The following KANK1 variants were observed in gnomAD, a reference collection of about 807,000 sequenced individuals.
KANK1 encodes KN motif and ankyrin repeat domains 1.
KANK1 carries 109 observed loss-of-function variants against 106.2 expected under a neutral mutation model. The observed-to-expected ratio is 1.03, with a 90% CI of 0.88 to 1.20. KANK1 has a LOEUF of 1.20. Ranked by LOEUF, KANK1 falls within the 50% of genes most tolerant of loss-of-function variation. The probability of loss-of-function intolerance (pLI) is 0.00; values close to 1 mark genes in which losing one functional copy is unlikely to be tolerated. For synonymous variants in KANK1, 873 were observed against 652.2 expected, an observed-to-expected ratio of 1.34 and a Z score of -5.16; for missense variants, 2,399 against 1,710.7, an observed-to-expected ratio of 1.40 and a Z score of -7.10.
chr9:657,832 C>G (rs988876962), intron 1 of KANK1, among the ~76,000 whole-genome samples: 3 of 151,844 alleles, frequency 2.0e-5, no homozygotes, highest in Admixed American at 6.6e-5. Context: ...TAATAAAACA[C>G]AAGAAAATAT....
At chr9:517,575 A>G (rs1042591750) in intron 1 of KANK1, among the ~76,000 whole-genome samples, 9 of 151,522 alleles carry the variant, frequency 5.9e-5, no homozygotes, top group Admixed American at 3.9e-4. Context: ...GTGAAATCCT[A>G]TGTGCCTATA....
intron 3 of KANK1, among the ~76,000 whole-genome samples, chr9:476,260 C>T (rs1324582500): frequency 6.6e-6 from 1 of 152,122 alleles, no homozygotes; most frequent in Non-Finnish European, 1.5e-5. Flanking sequence ...GTGGCTCACG[C>T]CTGTAATCCC....
chr9:534,149 G>A (rs1431971504), intron 1 of KANK1, among the ~76,000 whole-genome samples: 1 of 152,170 alleles, frequency 6.6e-6, no homozygotes, highest in African/African-American at 2.4e-5. Flanking sequence ...CTTGGAAAGG[G>A]CATAGAGTAA....
intron 1 of KANK1, among the ~76,000 whole-genome samples, chr9:669,640 CTGCT>C (rs1321722825): frequency 6.6e-6 from 1 of 151,982 alleles, no homozygotes; most frequent in East Asian, 1.9e-4. Context: ...TTTTTTCTTG[CTGCT>C]TTTAGTATCC....
intron 2 of KANK1, among the ~76,000 whole-genome samples, chr9:691,673 G>T (rs1013222884): frequency 1.4e-5 from 2 of 141,598 alleles, no homozygotes; most frequent in African/African-American, 5.3e-5. Context: ...GAGTACAGTA[G>T]CATGATCATA....
At chr9:564,154 G>C (rs1463229726) in intron 1 of KANK1, among the ~76,000 whole-genome samples, 1 of 151,732 alleles carries the variant, frequency 6.6e-6, no homozygotes, top group Non-Finnish European at 1.5e-5. Flanking sequence ...CCGCCTCCCG[G>C]GTTCACGCCA....
chr9:729,101 T>C (rs1175764549), intron 3 of KANK1, among the ~76,000 whole-genome samples: 2 of 152,232 alleles, frequency 1.3e-5, no homozygotes, highest in African/African-American at 4.8e-5. Flanking sequence ...CATTGACATA[T>C]CTGTATACAT....
intron 1 of KANK1, chr9:470,421 A>G (rs2057996359): frequency 6.6e-6 from 1 of 152,590 alleles, no homozygotes; most frequent in South Asian, 2.1e-4. Context: ...TTTTTTCTCA[A>G]CACTGTGAAG....
chr9:705,474 T>C (rs1481041365), intron 2 of KANK1, among the ~76,000 whole-genome samples: 1 of 152,124 alleles, frequency 6.6e-6, no homozygotes, highest in Admixed American at 6.5e-5. Flanking sequence ...TATTATGTTA[T>C]ACTATATATT....
chr9:499,752 CAATAGGAGAA>C (rs2058518765), upstream of KANK1, among the ~76,000 whole-genome samples: 1 of 152,080 alleles, frequency 6.6e-6, no homozygotes, highest in Non-Finnish European at 1.5e-5. Context: ...TGACATAGAT[CAATAGGAGAA>C]ATGCATACGA....
intron 2 of KANK1, among the ~76,000 whole-genome samples, chr9:682,102 A>G (rs1343383357): frequency 6.6e-6 from 1 of 152,068 alleles, no homozygotes; most frequent in Non-Finnish European, 1.5e-5. Flanking sequence ...CAACATGGTG[A>G]AAACCCGTCT....
At chr9:560,841 C>T (rs968371991) in intron 1 of KANK1, among the ~76,000 whole-genome samples, 3 of 151,934 alleles carry the variant, frequency 2.0e-5, no homozygotes, top group Admixed American at 2.0e-4. Flanking sequence ...CAATTAAGCT[C>T]TACTGAATGC....
intron 1 of KANK1, among the ~76,000 whole-genome samples, chr9:609,795 T>C (rs1024263350): frequency 4.6e-5 from 7 of 152,210 alleles, no homozygotes; most frequent in African/African-American, 9.7e-5. Flanking sequence ...TTTGGAACTA[T>C]GGCAAAATTA....
At chr9:488,380 A>G (rs2058328006) in intron 3 of KANK1, among the ~76,000 whole-genome samples, 1 of 152,188 alleles carries the variant, frequency 6.6e-6, no homozygotes, top group African/African-American at 2.4e-5. Flanking sequence ...AGTTTCTTAC[A>G]CTTTTGTGTT....
At chr9:707,279 A>C (rs988084808) in intron 2 of KANK1, 1 of 971,286 alleles carries the variant, frequency 1.0e-6, no homozygotes, top group African/African-American at 1.8e-5. Context: ...TGGGGCGGCC[A>C]CCGCTGGCCG....
At chr9:683,014 T>C (rs1433803012) in intron 2 of KANK1, among the ~76,000 whole-genome samples, 2 of 152,150 alleles carry the variant, frequency 1.3e-5, no homozygotes, top group Non-Finnish European at 2.9e-5. Flanking sequence ...ATTTGTCAAG[T>C]ATAAGACTAG....
At chr9:741,678 A>G (rs1052659224) in intron 9 of KANK1, among the ~76,000 whole-genome samples, 36 of 151,906 alleles carry the variant, frequency 2.4e-4, no homozygotes, top group Non-Finnish European at 4.0e-4. Context: ...TAGTAGAGAC[A>G]AGGTTTCACC....
At chr9:590,075 G>T (rs1824464501) in intron 1 of KANK1, among the ~76,000 whole-genome samples, 1 of 152,144 alleles carries the variant, frequency 6.6e-6, no homozygotes, top group African/African-American at 2.4e-5. Context: ...GAAAAAAACG[G>T]CACTCTGCAA....
intron 1 of KANK1, among the ~76,000 whole-genome samples, chr9:612,808 G>C (rs1450486846): frequency 6.6e-6 from 1 of 152,134 alleles, no homozygotes; most frequent in Non-Finnish European, 1.5e-5. Context: ...TCGAACCCCA[G>C]TTTAGACCAG....
Sources: gnomAD v4.1 joint callset for allele counts (sites outside exome capture counted in the v4.1 genomes callset) on GRCh38, gnomAD v4.1.1 for gene constraint, MANE v1.5 for transcripts, NCBI Gene and HGNC (gene_info 2026-07-23, HGNC 2026-07-21) for gene names.